The following PDE4D variants were observed in gnomAD, a reference collection of about 807,000 sequenced individuals.
The protein encoded by PDE4D is 3',5'-cyclic-AMP phosphodiesterase 4D.
Under a neutral mutation model 87.4 loss-of-function variants are expected in PDE4D, and 24 were observed. The ratio of observed to expected loss-of-function variants is 0.27; its 90% CI spans 0.20 to 0.39. The LOEUF (loss-of-function observed/expected upper bound fraction) is 0.39, where lower values mean the gene tolerates loss of function less well. Among genes scored for constraint, PDE4D ranks in the 10% least tolerant of loss-of-function variants. The pLI is 1.00. For missense variants in PDE4D, 714 were observed against 1,041.0 expected (o/e 0.69, Z 4.32); for synonymous variants, 384 against 383.2 (o/e 1.00, Z -0.02).
chr5:59,727,847 G>A lies in PDE4D; in HGVS notation c.455+165321C>T, dbSNP rs573740730. Among the ~76,000 whole-genome samples the A allele has an allele frequency of 2.6e-5, 4 of 152,172 alleles. No homozygotes were observed. The East Asian group carries it at 7.7e-4, about 29-fold the overall frequency. ...ATGCCATGTGTCTGACCTATGACAG[G>A]CTCTCAATACTTGGTAGACAATAGG... On this transcript the variant is annotated intron_variant, in intron 1 of 14. Transcript: ENST00000340635.
At chr5:60,279,448 T>G (rs1312958951) in intron 1 of PDE4D, among the ~76,000 whole-genome samples, 1 of 152,114 alleles carries the variant, frequency 6.6e-6, no homozygotes, top group Non-Finnish European at 1.5e-5. Flanking sequence ...TTGGGGTACT[T>G]CATCAGAATC....
chr5:59,357,480 T>C (rs954488404), intron 1 of PDE4D, among the ~76,000 whole-genome samples: 1 of 152,074 alleles, frequency 6.6e-6, no homozygotes, highest in Non-Finnish European at 1.5e-5. Flanking sequence ...AGCGCCTCTC[T>C]AAAAGTCAGT....
At chr5:59,020,079 C>T (rs34029709) in intron 6 of PDE4D, among the ~76,000 whole-genome samples, 15,331 of 152,174 alleles carry the variant, frequency 0.1, 1,039 homozygotes, top group Non-Finnish European at 0.13. Flanking sequence ...AACCTCCTAA[C>T]GATTTATTTT....
At chr5:60,482,411 T>C (rs972278614) in intron 1 of PDE4D, among the ~76,000 whole-genome samples, 1 of 152,236 alleles carries the variant, frequency 6.6e-6, no homozygotes, top group Non-Finnish European at 1.5e-5. Context: ...ACCAACTTTT[T>C]ATTCTTCCCA....
chr5:59,845,187 C>G (rs572712117), intron 1 of PDE4D, among the ~76,000 whole-genome samples: 1 of 152,208 alleles, frequency 6.6e-6, no homozygotes, highest in South Asian at 2.1e-4. Context: ...CACCTGACTC[C>G]TGACCCAGGG....
At position 59,816,074 on chromosome 5, in the gene PDE4D, G is replaced by C. The variant is rs146830631; in HGVS notation, c.455+77094C>G. On this transcript the variant is annotated intron_variant, in intron 1 of 14. Transcript: ENST00000340635. ...AAGACTGAAAGACCTGGCAGTGAAG[G>C]GTTGGAAGTGTCACATGAGGCATAT... is the stretch of plus-strand genomic sequence containing the variant. Among the ~76,000 whole-genome samples the C allele has an allele frequency of 8.5e-3, 1,300 of 152,306 alleles. 16 individuals are homozygous for C. Among genetic ancestry groups the C allele is most frequent in the African/African-American group, 0.03 (1,229 of 41,562 alleles).
intron 12 of PDE4D, 129 bp downstream of exon 12, chr5:58,977,062 T>TATAAC (rs1473885573): frequency 1.2e-6 from 1 of 812,908 alleles, no homozygotes; most frequent in African/African-American, 1.7e-5. Flanking sequence ...GGGCAGCTTC[T>TATAAC]ATAACATAAA....
At chr5:59,471,439 A>G (rs1479145840) in intron 1 of PDE4D, among the ~76,000 whole-genome samples, 1 of 152,254 alleles carries the variant, frequency 6.6e-6, no homozygotes, top group South Asian at 2.1e-4. Context: ...CTTGGGGTGG[A>G]GCTTGAGGAA....
rs201809079 is a variant in PDE4D, at chr5:60,298,981, C to CA, written c.-89-113295dup. ...TTATTCTTTTGAGGGATTCTTATCTCAAAAAAAAGGAAGAAAGGAAACAAT... is the reference window on the plus strand; with the variant it reads ...TTATTCTTTTGAGGGATTCTTATCTCAAAAAAAAAGGAAGAAAGGAAACAAT... On this transcript the variant is annotated intron_variant, in intron 1 of 16. Coordinates refer to the PDE4D transcript ENST00000502484. 3.0e-3 allele frequency among the ~76,000 whole-genome samples: 454 copies of CA among 151,062 alleles called. 2 individuals are homozygous for CA. The highest frequency in any genetic ancestry group is 0.01 in the African/African-American group (418 of 41,208).
chr5:59,252,322 G>A (rs1300307778), intron 1 of PDE4D, among the ~76,000 whole-genome samples: 1 of 152,114 alleles, frequency 6.6e-6, no homozygotes, highest in Non-Finnish European at 1.5e-5. Context: ...ATACAGTCCA[G>A]CAGAGTGCTT....
chr5:60,202,616 A>G (rs966129401), intron 1 of PDE4D, among the ~76,000 whole-genome samples: 2 of 152,118 alleles, frequency 1.3e-5, no homozygotes, highest in Admixed American at 6.5e-5. Flanking sequence ...GAAAATAAAT[A>G]TGTCCCAGTA....
chr5:60,080,858 T>G (rs1416010616), intron 2 of PDE4D, among the ~76,000 whole-genome samples: 2 of 152,210 alleles, frequency 1.3e-5, no homozygotes, highest in Non-Finnish European at 2.9e-5. Context: ...GTTGTGTCTC[T>G]TACCAGTTTT....
At chr5:59,923,056 G>A (rs369343247) in intron 3 of PDE4D, among the ~76,000 whole-genome samples, 3 of 152,110 alleles carry the variant, frequency 2.0e-5, no homozygotes, top group African/African-American at 7.2e-5. Context: ...AGTAAACACT[G>A]GCAGTAGCCA....
intron 1 of PDE4D, among the ~76,000 whole-genome samples, chr5:59,265,294 T>TCCCACTACCACTTCTTA (rs1762677343): frequency 6.6e-6 from 1 of 151,950 alleles, no homozygotes; most frequent in Non-Finnish European, 1.5e-5. Context: ...TCAGAGGTGG[T>TCCCACTACCACTTCTTA]TTAGCTTCCC....
At chr5:60,470,223 C>T (rs1747711063) in intron 1 of PDE4D, among the ~76,000 whole-genome samples, 1 of 152,194 alleles carries the variant, frequency 6.6e-6, no homozygotes. Flanking sequence ...AAGGCCCTAA[C>T]TCTTCAATTC....
intron 5 of PDE4D, among the ~76,000 whole-genome samples, chr5:59,108,973 G>A (rs1410741739): frequency 6.6e-6 from 1 of 150,430 alleles, no homozygotes; most frequent in South Asian, 2.1e-4. Flanking sequence ...GTGTGTGTGT[G>A]TGTGTGTGTG....
chr5:59,290,040 A>G (rs1767716631), intron 1 of PDE4D, among the ~76,000 whole-genome samples: 1 of 152,064 alleles, frequency 6.6e-6, no homozygotes, highest in African/African-American at 2.4e-5. Context: ...AAATGGAAAG[A>G]TATTCCACAT....
At chr5:60,038,393 A>G (rs1768060426) in intron 2 of PDE4D, among the ~76,000 whole-genome samples, 1 of 152,106 alleles carries the variant, frequency 6.6e-6, no homozygotes, top group African/African-American at 2.4e-5. Context: ...TCCTTTCCCC[A>G]TTGCTTCTTT....
chr5:59,596,369 T>C (rs1422758191), intron 1 of PDE4D, among the ~76,000 whole-genome samples: 1 of 150,958 alleles, frequency 6.6e-6, no homozygotes, highest in African/African-American at 2.4e-5. Flanking sequence ...GGAAGACACA[T>C]ATACATGTAT....
Sources: allele counts gnomAD v4.1 joint callset (sites outside exome capture counted in the v4.1 genomes callset), GRCh38; gene constraint gnomAD v4.1.1; transcripts MANE v1.5; gene names NCBI Gene and HGNC (gene_info 2026-07-23, HGNC 2026-07-21).